Variants in CD163L1 observed in about 807,000 individuals in gnomAD.
The protein encoded by CD163L1 is CD163 molecule like 1, also known as scavenger receptor cysteine-rich type 1 protein M160.
In CD163L1, 124 loss-of-function variants were observed where a neutral mutation model predicts 165.4. That is an observed-to-expected ratio of 0.75 (90% CI 0.65 to 0.87). The LOEUF is 0.87. Among genes scored for constraint, CD163L1 ranks in the 40% least tolerant of loss-of-function variants. The pLI, the probability that CD163L1 is intolerant of heterozygous loss-of-function variation, is 0.00. For missense variants in CD163L1, 1,525 were observed against 1,799.9 expected, an observed-to-expected ratio of 0.85 and a Z score of 2.76; for synonymous variants, 585 against 662.2, an observed-to-expected ratio of 0.88 and a Z score of 1.79.
intron 8 of CD163L1, 74 bp downstream of exon 8, chr12:7,396,021 G>C: frequency 5.7e-6 from 7 of 1,221,810 alleles, no homozygotes; most frequent in Non-Finnish European, 8.0e-6. Context: ...TAAATGTACT[G>C]ACTAAGAAGA....
In CD163L1 at chr12:7,369,382, C is replaced by T; in HGVS notation, c.4014G>A (p.Lys1338=). Residue 1338 remains lysine (K), a synonymous_variant, in exon 15 of 20, where the codon AAG becomes AAA. Coordinates refer to ENST00000313599, the MANE Select transcript of CD163L1 (RefSeq NM_174941.6). This position sits in a 1 kb window ranked among gnomAD's most constrained non-coding sequence, Gnocchi z 4.9. ...KPWGQSDCGH[K]EDAGVRCSGQ... ...CAGAGCACCTCACGCCAGCATCTTC[C>T]TTGTGTCCACAGTCACTCTGTCCCC... 2 of 1,614,196 alleles carry T rather than the reference C, an allele frequency of 1.2e-6. No homozygotes were observed. The highest frequency in any genetic ancestry group is 1.7e-6 in the Non-Finnish European group (2 of 1,180,034).
chr12:7,374,381 T>C lies in CD163L1; in HGVS notation c.3409+61A>G, dbSNP rs1591891259. The C allele has an allele frequency of 1.1e-5, 16 of 1,481,626 alleles. No homozygotes were observed. The East Asian group carries it at 3.4e-4, about 32-fold the overall frequency. 91.8% of individuals were successfully genotyped at this position (1,481,626 alleles called of 1,614,324 possible). A position where few individuals can be genotyped will look rare whatever the true frequency, so the allele number is the denominator to read the frequency against. ...TTTTCACTACACTTTACAATTGTGT[T>C]GTGTGTGTGCAAGTGTGTGCACGTG... On this transcript the variant is annotated intron_variant, in intron 13 of 19. Transcript: ENST00000313599. This position sits in a 1 kb window ranked among gnomAD's most constrained non-coding sequence, Gnocchi z 5.4.
rs1249326661 is a variant in CD163L1, at chr12:7,404,008, AT to A, written c.1088-154del. The A allele has an allele frequency of 2.2e-4, 116 of 529,638 alleles. 3 individuals carry two copies. In the East Asian group the frequency reaches 3.6e-3, roughly 16 times the overall value. The allele number at this position is 529,638 out of a possible 1,614,324, so 32.8% of individuals were successfully genotyped here. On this transcript the variant is annotated intron_variant, in intron 5 of 19. Transcript: ENST00000313599. ...AGACTGGAAATCATTTTGTTTTAAA[AT>A]TTTAAAGATTGAAATTTTAAAGATT... is the stretch of plus-strand genomic sequence containing the variant.
chr12:7,439,461 C>T lies in CD163L1; in HGVS notation c.124+1693G>A. 3 of 1,583,786 alleles carry T rather than the reference C, an allele frequency of 1.9e-6. No individual in the cohort carries two copies. In the South Asian group the frequency reaches 3.5e-5, roughly 19 times the overall value. On this transcript the variant is annotated intron_variant, in intron 2 of 19. Transcript: ENST00000313599. ...CTGGTTTGGACTTGTCTTTTAGCTT[C>T]CCGGCCTTTGCTTTTTTCTTTTTCA...
the CD163L1 span, among the ~76,000 whole-genome samples, chr12:7,330,089 T>A: frequency 6.6e-6 from 1 of 152,152 alleles, no homozygotes; most frequent in African/African-American, 2.4e-5. Flanking sequence ...ATTTTAATAA[T>A]CCTCTTATCA....
chr12:7,435,819 C>T (rs2136640359), intron 2 of CD163L1, among the ~76,000 whole-genome samples: 1 of 152,146 alleles, frequency 6.6e-6, no homozygotes, highest in Non-Finnish European at 1.5e-5. Flanking sequence ...GACAAATTCA[C>T]TGGGAATATT....
intron 14 of CD163L1, among the ~76,000 whole-genome samples, chr12:7,370,708 T>A (rs1280374829): frequency 6.6e-6 from 1 of 152,186 alleles, no homozygotes; most frequent in African/African-American, 2.4e-5. Context: ...GTTACCGTGT[T>A]AACTCTTTTC....
chr12:7,388,350 A>G (rs1435860101), intron 8 of CD163L1, among the ~76,000 whole-genome samples: 3 of 152,244 alleles, frequency 2.0e-5, no homozygotes, highest in Admixed American at 6.5e-5. Flanking sequence ...AATAGGAGAA[A>G]GTATTTGCAA....
chr12:7,423,800 A>G (rs764296160), intron 4 of CD163L1, among the ~76,000 whole-genome samples: 54 of 152,302 alleles, frequency 3.5e-4, no homozygotes, highest in African/African-American at 1.3e-3. Flanking sequence ...ATCCCTGAAT[A>G]GACCAATAAC....
chr12:7,375,233 T>C (rs754823652), intron 11 of CD163L1, 48 bp downstream of exon 11: 23 of 1,574,826 alleles, frequency 1.5e-5, no homozygotes, highest in Non-Finnish European at 1.4e-5. Flanking sequence ...CCCTCTACCA[T>C]GTCTGGGCTA....
intron 1 of CD163L1, among the ~76,000 whole-genome samples, chr12:7,442,887 T>A (rs1026524645): frequency 1.3e-5 from 2 of 152,194 alleles, no homozygotes; most frequent in African/African-American, 4.8e-5. Context: ...CTGATGAACG[T>A]GAACAAATAG....
rs1947075576 is a variant in CD163L1 at position 7,368,731 on chromosome 12, T to C, written c.4072+202A>G. The C allele has an allele frequency of 1.7e-6, 1 of 585,336 alleles. No individual in the cohort carries two copies. The highest frequency in any genetic ancestry group is 3.1e-6 in the Non-Finnish European group (1 of 323,458). 36.3% of individuals were successfully genotyped at this position (585,336 alleles called of 1,614,324 possible). On this transcript the variant is annotated intron_variant, in intron 16 of 19. Transcript: ENST00000313599. This position sits in a 1 kb window ranked among gnomAD's most constrained non-coding sequence, Gnocchi z 4.3. Reference sequence around the variant, plus strand: ...GTACCATGAGAGTCTTATCCTTCTCTGCATGTAAAAAGGATTTTTCTAGAG... The same window carrying C: ...GTACCATGAGAGTCTTATCCTTCTCCGCATGTAAAAAGGATTTTTCTAGAG...
At chr12:7,370,954 G>GT (rs1376101891) in intron 14 of CD163L1, among the ~76,000 whole-genome samples, 1 of 152,180 alleles carries the variant, frequency 6.6e-6, no homozygotes, top group East Asian at 1.9e-4. Context: ...CCCACGTGTT[G>GT]TGGGGGGGAC....
the CD163L1 span, among the ~76,000 whole-genome samples, chr12:7,335,026 T>C: frequency 6.6e-6 from 1 of 152,170 alleles, no homozygotes; most frequent in Non-Finnish European, 1.5e-5. Flanking sequence ...TCCATGCTCA[T>C]GGGTAGGAAG....
chr12:7,422,022 G>A (rs1948449888), intron 4 of CD163L1, among the ~76,000 whole-genome samples: 1 of 152,072 alleles, frequency 6.6e-6, no homozygotes, highest in Non-Finnish European at 1.5e-5. Flanking sequence ...GGGATTGACA[G>A]ACACCTCATG....
intron 6 of CD163L1, among the ~76,000 whole-genome samples, chr12:7,402,215 A>G (rs1947927116): frequency 6.6e-6 from 1 of 152,146 alleles, no homozygotes; most frequent in Non-Finnish European, 1.5e-5. Flanking sequence ...CTGTACACAT[A>G]TGATAGAATA....
chr12:7,414,298 T>C (rs777620191), intron 4 of CD163L1, among the ~76,000 whole-genome samples: 7 of 151,906 alleles, frequency 4.6e-5, no homozygotes, highest in Non-Finnish European at 1.0e-4. Context: ...AACAGAAATT[T>C]TGGAGTAAAA....
chr12:7,328,449 T>C, the CD163L1 span: 2 of 1,145,044 alleles, frequency 1.7e-6, no homozygotes, highest in Non-Finnish European at 2.4e-6. Context: ...ATTCAGCGAC[T>C]ACTCTCTTAA....
intron 2 of CD163L1, among the ~76,000 whole-genome samples, chr12:7,435,131 G>T (rs1009850771): frequency 6.6e-6 from 1 of 151,774 alleles, no homozygotes; most frequent in Non-Finnish European, 1.5e-5. Flanking sequence ...ATTGATATTT[G>T]CCATTTCTAT....
Sources: gnomAD v4.1 joint callset for allele counts (sites outside exome capture counted in the v4.1 genomes callset) on GRCh38, gnomAD v4.1.1 for gene constraint, Gnocchi (gnomAD v3.1) non-coding constraint, MANE v1.5 for transcripts, NCBI Gene and HGNC (gene_info 2026-07-23, HGNC 2026-07-21) for gene names.